Variants in B4GALNT3 observed in about 807,000 individuals in gnomAD.
B4GALNT3 encodes the protein beta-1,4-N-acetylgalactosaminyltransferase 3.
B4GALNT3 carries 86 observed loss-of-function variants against 120.2 expected under a neutral mutation model. The observed-to-expected ratio is 0.72, with a 90% CI of 0.60 to 0.86. The LOEUF (loss-of-function observed/expected upper bound fraction) is 0.86. Among genes scored for constraint, B4GALNT3 ranks in the 40% least tolerant of loss-of-function variants. The probability of loss-of-function intolerance (pLI) is 0.00; values close to 1 mark genes in which losing one functional copy is unlikely to be tolerated. For synonymous variants in B4GALNT3, 518 were observed against 510.4 expected, an observed-to-expected ratio of 1.01 and a Z score of -0.20; for missense variants, 1,167 against 1,298.9, an observed-to-expected ratio of 0.90 and a Z score of 1.56.
chr12:472,179 A>G (rs576541618), intron 1 of B4GALNT3, among the ~76,000 whole-genome samples: 1 of 152,360 alleles, frequency 6.6e-6, no homozygotes, highest in African/African-American at 2.4e-5. Context: ...AAGGAGATGA[A>G]GATGAAATGG....
chr12:509,572 C>T (rs904709066), intron 1 of B4GALNT3, among the ~76,000 whole-genome samples: 2 of 151,446 alleles, frequency 1.3e-5, no homozygotes, highest in African/African-American at 4.8e-5. Context: ...TTTGCTGGTA[C>T]CTAGTTCAAG....
Position 535,253 on chromosome 12 carries a change from A to C in B4GALNT3, c.257A>C (p.Gln86Pro). The change falls in exon 2 of 20, where the codon CAG becomes CCG. Residue 86 changes from glutamine (Q) to proline (P), a missense_variant. By Grantham distance (76) the Gln-to-Pro change is moderately conservative (BLOSUM62 -1). Around this residue, in one of 3 missense-constraint regions of B4GALNT3, gnomAD observed 171 missense variants for 161.3 expected, o/e 1.06. Transcript: ENST00000266383. ...VDPHLQFYHP[Q>P]RLSLEDHDID... is the part of the protein sequence containing the mutation. Reference sequence around the variant, plus strand: ...CCACACCTCCAGTTCTACCATCCCCAGAGGCTGAGCCTCGAGGTAGGTGAC... The same window carrying C: ...CCACACCTCCAGTTCTACCATCCCCCGAGGCTGAGCCTCGAGGTAGGTGAC... 3 of 1,613,946 alleles carry C rather than the reference A, an allele frequency of 1.9e-6. No individual in the cohort carries two copies. The highest frequency in any genetic ancestry group is 2.5e-6 in the Non-Finnish European group (3 of 1,179,946).
intron 1 of B4GALNT3, among the ~76,000 whole-genome samples, chr12:505,752 T>G (rs1452341242): frequency 1.3e-5 from 2 of 152,174 alleles, no homozygotes; most frequent in South Asian, 2.1e-4. Flanking sequence ...TGCAGAGAGA[T>G]AGGGGTCTGA....
chr12:493,959 A>G (rs1946366852), intron 1 of B4GALNT3, among the ~76,000 whole-genome samples: 1 of 152,202 alleles, frequency 6.6e-6, no homozygotes, highest in Non-Finnish European at 1.5e-5. Context: ...TTTTAATGAC[A>G]TAGGTCATCA....
At position 535,050 on chromosome 12, in the gene B4GALNT3, C is replaced by T. The variant is rs1341873051; in HGVS notation, c.170-116C>T. 7 of 811,242 alleles carry T rather than the reference C, an allele frequency of 8.6e-6. No individual in the cohort carries two copies. In the East Asian group the frequency reaches 1.6e-4, roughly 19 times the overall value. 50.3% of individuals were successfully genotyped at this position (811,242 alleles called of 1,614,324 possible). A position where few individuals can be genotyped will look rare whatever the true frequency, so the allele number is the denominator to read the frequency against. On this transcript the variant is annotated intron_variant, in intron 1 of 19. Coordinates refer to ENST00000266383, the MANE Select transcript of B4GALNT3 (RefSeq NM_173593.4). ...CAGCCCAGCCCTCTTCCCACCCACC[C>T]TCTGAAGAGAGGTGAGAAGGGAAGA...
At chr12:552,291 C>G in intron 12 of B4GALNT3, 128 bp downstream of exon 12, 2 of 680,492 alleles carry the variant, frequency 2.9e-6, no homozygotes, top group Non-Finnish European at 4.9e-6. Flanking sequence ...TTCCTGAGTA[C>G]TACACACACA....
At chr12:536,752 G>C (rs551787292) in intron 3 of B4GALNT3, among the ~76,000 whole-genome samples, 1 of 152,204 alleles carries the variant, frequency 6.6e-6, no homozygotes, top group Non-Finnish European at 1.5e-5. Context: ...TGTGTGGCAG[G>C]CTTTGTGGAT....
intron 1 of B4GALNT3, among the ~76,000 whole-genome samples, chr12:475,670 A>G (rs1164753924): frequency 6.6e-6 from 1 of 151,954 alleles, no homozygotes; most frequent in Non-Finnish European, 1.5e-5. Context: ...GCCTTCCTCA[A>G]TTATTTTAGA....
rs896837579 is a variant in B4GALNT3, at chr12:548,730, C to T, written c.853+433C>T. Among the ~76,000 whole-genome samples, 5 of 151,916 alleles carry T rather than the reference C, an allele frequency of 3.3e-5. No homozygotes were observed. The highest frequency in any genetic ancestry group is 2.1e-4 in the South Asian group (1 of 4,814). On this transcript the variant is annotated intron_variant, in intron 9 of 19. Transcript: ENST00000266383. This position sits in a 1 kb window ranked among gnomAD's most constrained non-coding sequence, Gnocchi z 4.9. ...TTCGAGACCAGCCCAGGCCACATAGCGACACCTCATCTCTACAAAAAATTA... is the reference window on the plus strand; with the variant it reads ...TTCGAGACCAGCCCAGGCCACATAGTGACACCTCATCTCTACAAAAAATTA...
intron 1 of B4GALNT3, among the ~76,000 whole-genome samples, chr12:472,320 G>T (rs1397954857): frequency 1.3e-5 from 2 of 152,164 alleles, no homozygotes; most frequent in Admixed American, 1.3e-4. Context: ...TCAGTCTGTT[G>T]CCCAGCCTGG....
In B4GALNT3 at chr12:509,084, C is replaced by T. The variant is rs189499765; in HGVS notation, c.170-26082C>T. 3.6e-3 allele frequency among the ~76,000 whole-genome samples: 541 copies of T among 152,332 alleles called. 1 individual carries two copies. The highest frequency in any genetic ancestry group is 0.012 in the African/African-American group (509 of 41,570). On this transcript the variant is annotated intron_variant, in intron 1 of 19. Transcript: ENST00000266383. ...AGACACACTCAGACAACACTGCTTT[C>T]CCCATCACTGCCTGTCATCCAACAC...
At position 460,538 on chromosome 12, in the gene B4GALNT3, G is replaced by A. The variant is rs975011802; in HGVS notation, c.162G>A (p.Leu54=). 4.0e-6 allele frequency: 6 copies of A among 1,514,180 alleles called. No individual in the cohort carries two copies. In the Admixed American group the frequency reaches 9.8e-5, roughly 25 times the overall value. 93.8% of individuals were successfully genotyped at this position (1,514,180 alleles called of 1,614,324 possible). Residue 54 remains leucine (L), a synonymous_variant, in exon 1 of 20, where the codon CTG becomes CTA. Coordinates refer to ENST00000266383, the MANE Select transcript of B4GALNT3 (RefSeq NM_173593.4). The surrounding 1 kb of genome is among the most constrained non-coding windows in gnomAD (Gnocchi z 8.0). ...CGGCCCAGGTCGGCGGGAACCCCCT[G>A]AACCGGAGTAAGTAGCACCCAGGGG... is the stretch of plus-strand genomic sequence containing the variant. ...VASAQVGGNP[L]NRRYGSWREL...
At chr12:511,462 C>A (rs1946557870) in intron 1 of B4GALNT3, among the ~76,000 whole-genome samples, 1 of 97,146 alleles carries the variant, frequency 1.0e-5, no homozygotes, top group Non-Finnish European at 2.1e-5. Flanking sequence ...CCTTCTTCCA[C>A]CTTCCACCTT....
chr12:511,321 GCC>G (rs1946551191), intron 1 of B4GALNT3, among the ~76,000 whole-genome samples: 1 of 15,386 alleles, frequency 6.5e-5, no homozygotes, highest in African/African-American at 3.7e-4. Context: ...TCCGCCTTCT[GCC>G]TTCCACCTTC....
rs1009963475 is a variant in B4GALNT3, at chr12:508,155, A to G, written c.170-27011A>G. On this transcript the variant is annotated intron_variant, in intron 1 of 19. Transcript: ENST00000266383. ...TACTGTCTTTTCCGCTGGCCCTGCCAGCCCAGACCTGTCCCTAGGGGGACA... is the reference window on the plus strand; with the variant it reads ...TACTGTCTTTTCCGCTGGCCCTGCCGGCCCAGACCTGTCCCTAGGGGGACA... 3.3e-5 allele frequency among the ~76,000 whole-genome samples: 5 copies of G among 152,264 alleles called. No individual in the cohort carries two copies. The South Asian group carries it at 6.2e-4, about 19-fold the overall frequency.
At chr12:552,203 A>G in intron 12 of B4GALNT3, 40 bp downstream of exon 12, 1 of 1,540,912 alleles carries the variant, frequency 6.5e-7, no homozygotes, top group Non-Finnish European at 9.0e-7. Flanking sequence ...GACCTTGCAG[A>G]GGGCTCTGCG....
At chr12:514,358 T>C (rs556845726) in intron 1 of B4GALNT3, among the ~76,000 whole-genome samples, 1,586 of 152,108 alleles carry the variant, frequency 0.01, 17 homozygotes, top group Non-Finnish European at 0.017. Flanking sequence ...CCACCACGCC[T>C]GGCTAATTTT....
chr12:511,339 TCCTTCCA>T (rs377518044), intron 1 of B4GALNT3, among the ~76,000 whole-genome samples: 5,323 of 50,500 alleles, frequency 0.11, 234 homozygotes, highest in Admixed American at 0.24. Context: ...CCTTCCACCT[TCCTTCCA>T]CCTTCCACCT....
At chr12:512,442 T>TCCTTCCA (rs562929260) in intron 1 of B4GALNT3, among the ~76,000 whole-genome samples, 1 of 123,498 alleles carries the variant, frequency 8.1e-6, no homozygotes, top group Non-Finnish European at 1.6e-5. Context: ...CCTTCCATCT[T>TCCTTCCA]CCTTCCACCT....
Sources: allele counts gnomAD v4.1 joint callset (sites outside exome capture counted in the v4.1 genomes callset), GRCh38; gene constraint gnomAD v4.1.1; regional missense constraint gnomAD v4.1.1; non-coding constraint Gnocchi (gnomAD v3.1); transcripts MANE v1.5; gene names NCBI Gene and HGNC (gene_info 2026-07-23, HGNC 2026-07-21).